The following LRRC37A3 variants were observed in gnomAD, a reference collection of about 807,000 sequenced individuals.
The protein encoded by LRRC37A3 is leucine-rich repeat-containing protein 37A3.
In LRRC37A3, 25 loss-of-function variants were observed where a neutral mutation model predicts 106.2. The observed-to-expected ratio is 0.24, with a 90% CI of 0.17 to 0.33. The LOEUF (loss-of-function observed/expected upper bound fraction) is 0.33, where lower values mean the gene tolerates loss of function less well. Ranked by LOEUF, LRRC37A3 falls within the 10% of genes least tolerant of loss-of-function variation. LRRC37A3 has a pLI of 1.00. For missense variants in LRRC37A3, 712 were observed against 1,644.9 expected (o/e 0.43, Z 9.81); for synonymous variants, 305 against 635.8 (o/e 0.48, Z 7.83).
intron 8 of LRRC37A3, chr17:64,881,155 T>C (rs1335811632): frequency 2.9e-6 from 2 of 700,838 alleles, no homozygotes; most frequent in African/African-American, 1.7e-5. Flanking sequence ...AGCTCCTCCA[T>C]ACAAGACCTC....
intron 10 of LRRC37A3, among the ~76,000 whole-genome samples, chr17:64,864,363 A>T (rs1405697400): frequency 9.2e-5 from 14 of 152,380 alleles, no homozygotes; most frequent in African/African-American, 3.4e-4. Context: ...AAGAGCAAAG[A>T]AAGTAGAGGC....
chr17:64,893,557 C>A (rs2143552821), intron 4 of LRRC37A3, among the ~76,000 whole-genome samples: 2 of 139,368 alleles, frequency 1.4e-5, no homozygotes, highest in Admixed American at 1.4e-4. Context: ...CAGATTCTGG[C>A]AAATTCTAGC....
chr17:64,904,205 G>A (rs1186515356), intron 2 of LRRC37A3, among the ~76,000 whole-genome samples: 1 of 152,248 alleles, frequency 6.6e-6, no homozygotes, highest in East Asian at 1.9e-4. Context: ...ACTTGGCATG[G>A]TGGGTGGCTC....
chr17:64,857,495 T>C lies in LRRC37A3; in HGVS notation c.4809+1284A>G, dbSNP rs575115239. The stretch of plus-strand genomic sequence containing the variant: ...ATTCAAATCCCAAGATAGTTTTTGG[T>C]GGTGGCTGTTTTTAAGACAGGGCCT... On this transcript the variant is annotated intron_variant, in intron 13 of 14. Coordinates refer to ENST00000584306, the MANE Select transcript of LRRC37A3 (RefSeq NM_199340.5). 3.6e-3 allele frequency among the ~76,000 whole-genome samples: 545 copies of C among 152,282 alleles called. 4 individuals are homozygous for C. The highest frequency in any genetic ancestry group is 0.013 in the African/African-American group (522 of 41,556).
chr17:64,858,544 A>G (rs1302391803), intron 13 of LRRC37A3, among the ~76,000 whole-genome samples: 3 of 152,252 alleles, frequency 2.0e-5, no homozygotes, highest in Non-Finnish European at 2.9e-5. Flanking sequence ...TTCTTAAAAT[A>G]GTCTAGTGGG....
At chr17:64,866,357 CA>C (rs1973069614) in intron 10 of LRRC37A3, among the ~76,000 whole-genome samples, 1 of 151,362 alleles carries the variant, frequency 6.6e-6, no homozygotes, top group Admixed American at 6.6e-5. Context: ...AGTGACCTGA[CA>C]AAAATGAACG....
intron 2 of LRRC37A3, among the ~76,000 whole-genome samples, chr17:64,904,230 A>C (rs1425714159): frequency 2.0e-5 from 3 of 152,274 alleles, no homozygotes; most frequent in Non-Finnish European, 2.9e-5. Context: ...CTATAACTCC[A>C]GCACCTTGGG....
chr17:64,858,942 A>T (rs901213893), intron 12 of LRRC37A3, 59 bp from the exon 13 acceptor site: 1 of 1,145,496 alleles, frequency 8.7e-7, no homozygotes, highest in African/African-American at 1.6e-5. Context: ...ATTCCAGGTG[A>T]GTAGCTTACA....
At chr17:64,913,213 G>C (rs1228824751) in intron 2 of LRRC37A3, among the ~76,000 whole-genome samples, 1 of 151,844 alleles carries the variant, frequency 6.6e-6, no homozygotes, top group African/African-American at 2.4e-5. Context: ...ATTTTTAGTA[G>C]AGACGGGGTT....
intron 8 of LRRC37A3, among the ~76,000 whole-genome samples, chr17:64,873,034 C>T (rs1260020012): frequency 4.6e-5 from 7 of 152,148 alleles, no homozygotes; most frequent in East Asian, 1.9e-4. Context: ...GTAAGCTAAC[C>T]GAGGAGGGAC....
intron 14 of LRRC37A3, among the ~76,000 whole-genome samples, chr17:64,855,043 G>A (rs1380860526): frequency 1.3e-5 from 2 of 152,102 alleles, no homozygotes; most frequent in African/African-American, 4.8e-5. Flanking sequence ...CACCATGTTG[G>A]TCAGGCTGGT....
intron 8 of LRRC37A3, among the ~76,000 whole-genome samples, chr17:64,880,613 A>C (rs1235110727): frequency 6.6e-6 from 1 of 152,234 alleles, no homozygotes; most frequent in African/African-American, 2.4e-5. Flanking sequence ...AGACTGTCTC[A>C]GAGTAAAAGT....
chr17:64,866,447 T>G (rs1973072051), intron 10 of LRRC37A3, among the ~76,000 whole-genome samples: 2 of 150,188 alleles, frequency 1.3e-5, no homozygotes, highest in Non-Finnish European at 3.0e-5. Flanking sequence ...TAACTGAGTC[T>G]CTATTTAGCT....
chr17:64,901,396 G>A (rs1974305784), intron 2 of LRRC37A3: 1 of 149,052 alleles, frequency 6.7e-6, no homozygotes, highest in Non-Finnish European at 1.5e-5. Flanking sequence ...AGCATGGCTA[G>A]GTGTCTACTC....
rs560411112 is a variant in LRRC37A3, at chr17:64,915,438, G to A, written c.-496+3312C>T. Among the ~76,000 whole-genome samples the A allele has an allele frequency of 3.3e-5, 5 of 152,346 alleles. No individual in the cohort carries two copies. The East Asian group carries it at 9.6e-4, about 29-fold the overall frequency. On this transcript the variant is annotated intron_variant, in intron 2 of 14. Coordinates refer to ENST00000584306, the MANE Select transcript of LRRC37A3 (RefSeq NM_199340.5). Reference sequence around the variant, plus strand: ...TTGTAAATTATGTGAAATTCAAACTGCAGTGTTCATAAAGTTTTATTGGAA... The same window carrying A: ...TTGTAAATTATGTGAAATTCAAACTACAGTGTTCATAAAGTTTTATTGGAA...
chr17:64,860,810 G>A lies in LRRC37A3; in HGVS notation c.3336C>T (p.Asp1112=), dbSNP rs747714935. 82 of 1,614,034 alleles carry A rather than the reference G, an allele frequency of 5.1e-5. No homozygotes were observed. Among genetic ancestry groups the A allele is most frequent in the East Asian group, 3.3e-4 (15 of 44,892 alleles). Reference sequence around the variant, plus strand: ...TTAGTGTACTGGTAACATCACTCTCGTCATTGGTGTCTAGCTGCTCACTCC... The same window carrying A: ...TTAGTGTACTGGTAACATCACTCTCATCATTGGTGTCTAGCTGCTCACTCC... ...GFGSEQLDTN[D]ESDVTSTLSY... Residue 1112 remains aspartate (D), a synonymous_variant, in exon 12 of 15, where the codon GAC becomes GAT. Coordinates refer to ENST00000584306, the MANE Select transcript of LRRC37A3 (RefSeq NM_199340.5).
chr17:64,912,360 C>A (rs1974609038), intron 2 of LRRC37A3, among the ~76,000 whole-genome samples: 1 of 151,510 alleles, frequency 6.6e-6, no homozygotes, highest in Admixed American at 6.6e-5. Flanking sequence ...TACACACACA[C>A]ATATATACAA....
intron 8 of LRRC37A3, among the ~76,000 whole-genome samples, chr17:64,874,123 A>G (rs1973416295): frequency 6.6e-6 from 1 of 152,224 alleles, no homozygotes; most frequent in South Asian, 2.1e-4. Context: ...GGTGCTGGGC[A>G]TGGTTGCTCA....
intron 8 of LRRC37A3, among the ~76,000 whole-genome samples, chr17:64,869,646 C>A (rs1973241318): frequency 6.7e-6 from 1 of 149,584 alleles, no homozygotes; most frequent in Non-Finnish European, 1.5e-5. Flanking sequence ...AGTGATTCTC[C>A]TGTTCTGCCT....
Sources: allele counts gnomAD v4.1 joint callset (sites outside exome capture counted in the v4.1 genomes callset), GRCh38; gene constraint gnomAD v4.1.1; transcripts MANE v1.5; gene names NCBI Gene and HGNC (gene_info 2026-07-23, HGNC 2026-07-21).